Variants in FMNL2 observed in about 807,000 individuals in gnomAD.
FMNL2 encodes formin like 2.
FMNL2 carries 51 observed loss-of-function variants against 130.2 expected under a neutral mutation model. The observed-to-expected ratio is 0.39, with a 90% CI of 0.31 to 0.49. FMNL2 has a LOEUF of 0.49. Among genes scored for constraint, FMNL2 ranks in the 20% least tolerant of loss-of-function variants. The pLI is 0.85. For missense variants in FMNL2, 977 were observed against 1,316.2 expected (o/e 0.74, Z 3.99); for synonymous variants, 465 against 467.1 (o/e 1.00, Z 0.06).
intron 1 of FMNL2, 144 bp downstream of exon 1, chr2:152,335,864 C>A: frequency 1.9e-6 from 1 of 534,846 alleles, no homozygotes; most frequent in Non-Finnish European, 3.2e-6. Flanking sequence ...CTTTGTGGCC[C>A]CCCAGCACTC....
intron 1 of FMNL2, among the ~76,000 whole-genome samples, chr2:152,454,611 C>T (rs115774158): frequency 1.8e-4 from 27 of 152,324 alleles, no homozygotes; most frequent in Non-Finnish European, 3.2e-4. Flanking sequence ...CAAACTTTGT[C>T]TATTTCTGCC....
intron 1 of FMNL2, among the ~76,000 whole-genome samples, chr2:152,505,904 C>T (rs919405910): frequency 6.6e-5 from 10 of 152,228 alleles, no homozygotes; most frequent in East Asian, 3.9e-4. Flanking sequence ...GAGTACTTTT[C>T]GAGTGAAAGG....
chr2:152,565,453 T>C (rs1695784142), intron 6 of FMNL2, among the ~76,000 whole-genome samples: 1 of 152,134 alleles, frequency 6.6e-6, no homozygotes, highest in African/African-American at 2.4e-5. Flanking sequence ...TGCTTTGTGA[T>C]GGAGGTGGAG....
chr2:152,568,276 C>T (rs566386666), intron 6 of FMNL2, among the ~76,000 whole-genome samples: 8 of 134,624 alleles, frequency 5.9e-5, no homozygotes, highest in South Asian at 2.3e-4. Flanking sequence ...GATGTAGTGG[C>T]GTGATCTCGG....
intron 1 of FMNL2, among the ~76,000 whole-genome samples, chr2:152,435,538 C>T (rs781627478): frequency 2.7e-5 from 4 of 150,746 alleles, no homozygotes; most frequent in Non-Finnish European, 5.9e-5. Context: ...GGGATGTACA[C>T]TGATATTAGG....
chr2:152,412,895 A>G (rs1020967016), intron 1 of FMNL2, among the ~76,000 whole-genome samples: 1 of 152,184 alleles, frequency 6.6e-6, no homozygotes, highest in South Asian at 2.1e-4. Flanking sequence ...AGTTTGGACC[A>G]TATGAACTTG....
At chr2:152,435,847 G>A (rs1392360132) in intron 1 of FMNL2, among the ~76,000 whole-genome samples, 2 of 152,142 alleles carry the variant, frequency 1.3e-5, no homozygotes, top group African/African-American at 4.8e-5. Flanking sequence ...GAGTTAGAAG[G>A]ATCTTGACTG....
chr2:152,620,986 A>T, intron 15 of FMNL2: 1 of 985,438 alleles, frequency 1.0e-6, no homozygotes, highest in Non-Finnish European at 1.2e-6. Context: ...CTGAAGGAGA[A>T]AAGTTGGAGC....
At chr2:152,402,846 G>C (rs543437668) in intron 1 of FMNL2, among the ~76,000 whole-genome samples, 1 of 152,252 alleles carries the variant, frequency 6.6e-6, no homozygotes, top group Non-Finnish European at 1.5e-5. Flanking sequence ...ATTAGCTAAA[G>C]TCTGTGCTTT....
chr2:152,597,658 C>A (rs1697839829), intron 9 of FMNL2, among the ~76,000 whole-genome samples: 1 of 152,176 alleles, frequency 6.6e-6, no homozygotes, highest in African/African-American at 2.4e-5. Context: ...CCACCAGTGC[C>A]AACTGCCAAC....
intron 1 of FMNL2, among the ~76,000 whole-genome samples, chr2:152,346,591 C>T (rs1014081415): frequency 1.3e-5 from 2 of 151,288 alleles, no homozygotes; most frequent in South Asian, 2.1e-4. Context: ...CCCAGCAGTT[C>T]GAGGCTGAAG....
At chr2:152,611,449 G>C in intron 10 of FMNL2, 46 bp from the exon 11 acceptor site, 1 of 1,135,554 alleles carries the variant, frequency 8.8e-7, no homozygotes, top group South Asian at 1.4e-5. Flanking sequence ...GTTAAACTGA[G>C]AAAAAAGTTT....
intron 1 of FMNL2, among the ~76,000 whole-genome samples, chr2:152,347,450 TTTTG>T (rs762010084): frequency 1.4e-4 from 22 of 152,326 alleles, no homozygotes; most frequent in Non-Finnish European, 2.6e-4. Context: ...TTAATGGTAT[TTTTG>T]TTTGTGTGTA....
At chr2:152,528,830 A>G (rs1052787195) in intron 2 of FMNL2, among the ~76,000 whole-genome samples, 5 of 152,156 alleles carry the variant, frequency 3.3e-5, no homozygotes, top group Admixed American at 2.6e-4. Flanking sequence ...ATTCTACACA[A>G]TCAGGGACCC....
At chr2:152,641,063 T>C in intron 25 of FMNL2, 149 bp downstream of exon 25, 3 of 1,025,142 alleles carry the variant, frequency 2.9e-6, no homozygotes, top group Non-Finnish European at 4.3e-6. Context: ...AGAGAGGCTT[T>C]GAAGTCCATT....
Position 152,496,782 on chromosome 2 carries a change from A to G in FMNL2, c.118-25161A>G, listed in dbSNP as rs1401599883. Among the ~76,000 whole-genome samples the G allele has an allele frequency of 3.3e-5, 5 of 152,106 alleles. No homozygotes were observed. The South Asian group carries it at 1.0e-3, about 32-fold the overall frequency. On this transcript the variant is annotated intron_variant, in intron 1 of 25. Coordinates refer to ENST00000288670, the MANE Select transcript of FMNL2 (RefSeq NM_052905.4). ...TATGATTATTTATTATATTGCTCAA[A>G]TTGTTCCAGATTTGGCTATTGTGAG... is the stretch of plus-strand genomic sequence containing the variant.
intron 6 of FMNL2, among the ~76,000 whole-genome samples, chr2:152,570,348 TC>T (rs1326249541): frequency 6.6e-6 from 1 of 151,892 alleles, no homozygotes; most frequent in African/African-American, 2.4e-5. Flanking sequence ...CAGGTAGTTC[TC>T]TTAAGTTTAT....
In FMNL2 at chr2:152,629,011, T is replaced by TGGTGATA. The variant is rs150980499; in HGVS notation, c.2400+479_2400+485dup. Among the ~76,000 whole-genome samples the TGGTGATA allele has an allele frequency of 8.8e-3, 1,343 of 152,336 alleles. 19 individuals carry two copies. Among genetic ancestry groups the TGGTGATA allele is most frequent in the African/African-American group, 0.031 (1,279 of 41,574 alleles). ...CTTGGAAGTTTGTTATAATAAACTG[T>TGGTGATA]GGTGATATAGACATAATAGCCAACC... On this transcript the variant is annotated intron_variant, in intron 18 of 25. Transcript: ENST00000288670.
rs1477947656 is a variant in FMNL2, at chr2:152,335,405, A to G, written c.-199A>G. ...GGGCCGCGCTGGGGCGGCGGAGAGC[A>G]TGAGGGAGGCCGGGGGGCGGCTCGG... On this transcript the variant is annotated 5_prime_UTR_variant, in exon 1 of 26. The change abolishes an upstream ATG in the 5' untranslated region. Transcript: ENST00000288670. The G allele has an allele frequency of 3.3e-6, 1 of 299,914 alleles. No individual in the cohort carries two copies. The highest frequency in any genetic ancestry group is 5.9e-5 in the East Asian group (1 of 16,840). 18.6% of individuals were successfully genotyped at this position (299,914 alleles called of 1,614,324 possible). A position where few individuals can be genotyped will look rare whatever the true frequency, so the allele number is the denominator to read the frequency against.
Sources: gnomAD v4.1 joint callset for allele counts (sites outside exome capture counted in the v4.1 genomes callset) on GRCh38, gnomAD v4.1.1 for gene constraint, MANE v1.5 for transcripts, NCBI Gene and HGNC (gene_info 2026-07-23, HGNC 2026-07-21) for gene names.